The following FOXP2 variants were observed in gnomAD, a reference collection of about 807,000 sequenced individuals.
FOXP2 encodes the protein forkhead box protein P2.
A neutral mutation model predicts 115.8 loss-of-function variants in FOXP2; 12 were observed. That is an observed-to-expected ratio of 0.10 (90% confidence interval 0.07 to 0.17). The LOEUF is 0.17. FOXP2 is among the 10% of genes least tolerant of loss of function. The pLI is 1.00. For missense variants in FOXP2, 629 were observed against 843.5 expected, an observed-to-expected ratio of 0.75 and a Z score of 3.15; for synonymous variants, 328 against 297.7, an observed-to-expected ratio of 1.10 and a Z score of -1.05.
At chr7:114,331,550 C>T (rs1021640357) in intron 2 of FOXP2, among the ~76,000 whole-genome samples, 3 of 152,222 alleles carry the variant, frequency 2.0e-5, no homozygotes, top group Non-Finnish European at 2.9e-5. Flanking sequence ...TGGAGGAAAA[C>T]GTGTCAGCTT....
chr7:114,180,222 G>T (rs1377379543), intron 1 of FOXP2, among the ~76,000 whole-genome samples: 1 of 151,882 alleles, frequency 6.6e-6, no homozygotes, highest in East Asian at 1.9e-4. Flanking sequence ...GTTTTTAATC[G>T]CTTGTCTTCT....
At chr7:114,535,356 T>C (rs1158137498) in intron 3 of FOXP2, among the ~76,000 whole-genome samples, 1 of 151,616 alleles carries the variant, frequency 6.6e-6, no homozygotes, top group Admixed American at 6.6e-5. Flanking sequence ...GGAAACATTT[T>C]TAAGGTATAT....
chr7:114,531,719 A>T (rs1433575260), intron 2 of FOXP2, among the ~76,000 whole-genome samples: 1 of 151,954 alleles, frequency 6.6e-6, no homozygotes, highest in Non-Finnish European at 1.5e-5. Context: ...GCTATTTTGG[A>T]GATAATGCAT....
chr7:114,642,647 ATATT>A (rs747040621), intron 7 of FOXP2, 24 bp downstream of exon 7: 57 of 1,594,556 alleles, frequency 3.6e-5, no homozygotes, highest in Non-Finnish European at 4.0e-5. Context: ...GCTTTATTCT[ATATT>A]TATCTATTTT....
At chr7:114,132,575 G>GTA (rs1562974882) in intron 1 of FOXP2, among the ~76,000 whole-genome samples, 7 of 118,372 alleles carry the variant, frequency 5.9e-5, no homozygotes, top group South Asian at 2.9e-4. Flanking sequence ...GTGTGTGTGT[G>GTA]TGTGTGTGAG....
chr7:114,511,863 G>T (rs1044049746), intron 2 of FOXP2, among the ~76,000 whole-genome samples: 2 of 151,692 alleles, frequency 1.3e-5, no homozygotes, highest in Non-Finnish European at 2.9e-5. Context: ...CATTTACTTT[G>T]TCCATGTTTT....
chr7:114,390,903 T>C (rs1792581494), intron 2 of FOXP2, among the ~76,000 whole-genome samples: 2 of 152,236 alleles, frequency 1.3e-5, no homozygotes, highest in East Asian at 1.9e-4. Flanking sequence ...AAATCTGACT[T>C]CTTGGCCAGA....
intron 2 of FOXP2, among the ~76,000 whole-genome samples, chr7:114,523,558 AT>A (rs753110464): frequency 1.3e-5 from 2 of 152,152 alleles, no homozygotes; most frequent in Non-Finnish European, 2.9e-5. Flanking sequence ...ACTGATCCTC[AT>A]CATTTCTGAA....
At chr7:114,462,883 C>T (rs1795640773) in intron 2 of FOXP2, among the ~76,000 whole-genome samples, 1 of 152,076 alleles carries the variant, frequency 6.6e-6, no homozygotes, top group Non-Finnish European at 1.5e-5. Context: ...ATCATTAAGT[C>T]CTATGATCTG....
At chr7:114,500,463 A>G (rs1797520028) in intron 2 of FOXP2, among the ~76,000 whole-genome samples, 2 of 152,050 alleles carry the variant, frequency 1.3e-5, no homozygotes, top group African/African-American at 4.8e-5. Flanking sequence ...GTATACATAT[A>G]TTAATATATA....
intron 2 of FOXP2, among the ~76,000 whole-genome samples, chr7:114,344,698 G>A (rs1034939035): frequency 1.3e-5 from 2 of 151,794 alleles, no homozygotes; most frequent in Non-Finnish European, 2.9e-5. Context: ...TCATAAAATT[G>A]TTACATAAAT....
chr7:114,687,042 T>A (rs774273534), intron 16 of FOXP2, among the ~76,000 whole-genome samples: 2 of 152,226 alleles, frequency 1.3e-5, no homozygotes, highest in Non-Finnish European at 2.9e-5. Context: ...TGTATACTTG[T>A]TGCTGAATAA....
At chr7:114,222,270 C>T (rs1794642850) in intron 1 of FOXP2, among the ~76,000 whole-genome samples, 1 of 152,194 alleles carries the variant, frequency 6.6e-6, no homozygotes, top group African/African-American at 2.4e-5. Context: ...ATCCTCCCAT[C>T]TCAGTCTCTT....
chr7:114,238,089 C>A lies in FOXP2; in HGVS notation c.-101-49930C>A, dbSNP rs142811184. On this transcript the variant is annotated intron_variant, in intron 1 of 17. Coordinates refer to the FOXP2 transcript ENST00000634411. ...TTTTGACATATGTATTTTTTGTTAA[C>A]CAATTATCACTGTTTTGTGCATTAT... Among the ~76,000 whole-genome samples the A allele has an allele frequency of 6.4e-3, 974 of 152,236 alleles. 13 individuals carry two copies. The highest frequency in any genetic ancestry group is 0.023 in the African/African-American group (940 of 41,538).
intron 3 of FOXP2, among the ~76,000 whole-genome samples, chr7:114,611,230 A>G (rs1034633632): frequency 1.2e-4 from 19 of 152,196 alleles, no homozygotes; most frequent in Admixed American, 7.9e-4. Flanking sequence ...ATTTGTAAAT[A>G]CGGATTTCTA....
At chr7:114,392,551 A>C (rs574693322) in intron 2 of FOXP2, among the ~76,000 whole-genome samples, 2 of 152,320 alleles carry the variant, frequency 1.3e-5, no homozygotes, top group South Asian at 4.1e-4. Flanking sequence ...CAACTGGGAT[A>C]GTAAATAAAA....
intron 2 of FOXP2, among the ~76,000 whole-genome samples, chr7:114,470,758 A>G (rs1226484600): frequency 6.6e-6 from 1 of 152,070 alleles, no homozygotes; most frequent in South Asian, 2.1e-4. Flanking sequence ...TCCCTAACAT[A>G]CAAATCCAGT....
Position 114,397,142 on chromosome 7 carries a change from A to C in FOXP2, c.-10-29360A>C, listed in dbSNP as rs1217639426. On this transcript the variant is annotated intron_variant, in intron 2 of 17. Coordinates refer to the FOXP2 transcript ENST00000634411. ...CAATGAAAAGCACAAAATAATTCGG[A>C]ATAGTGAAGAGATTTCGGGTGGAGA... Among the ~76,000 whole-genome samples the C allele has an allele frequency of 3.3e-5, 5 of 152,276 alleles. No individual in the cohort carries two copies. The East Asian group carries it at 9.6e-4, about 29-fold the overall frequency.
At chr7:114,672,442 G>T (rs1326265995) in intron 16 of FOXP2, among the ~76,000 whole-genome samples, 1 of 152,042 alleles carries the variant, frequency 6.6e-6, no homozygotes, top group Non-Finnish European at 1.5e-5. Flanking sequence ...AAAATTAGCT[G>T]GGCACGGTGG....
Sources: gnomAD v4.1 joint callset for allele counts (sites outside exome capture counted in the v4.1 genomes callset) on GRCh38, gnomAD v4.1.1 for gene constraint, MANE v1.5 for transcripts, NCBI Gene and HGNC (gene_info 2026-07-23, HGNC 2026-07-21) for gene names.